The following GAS2 variants were observed in gnomAD, a reference collection of about 807,000 sequenced individuals.
The protein encoded by GAS2 is growth arrest specific 2.
Under a neutral mutation model 37.5 loss-of-function variants are expected in GAS2, and 20 were observed. The ratio of observed to expected loss-of-function variants is 0.53; its 90% CI spans 0.37 to 0.77. GAS2 has a LOEUF of 0.77. GAS2 is among the 30% of genes least tolerant of loss of function. The pLI is 0.00. For synonymous variants in GAS2, 144 were observed against 132.2 expected (o/e 1.09, Z -0.61); for missense variants, 336 against 373.4 (o/e 0.90, Z 0.82).
At chr11:22,635,908 A>T (rs7127786) in intron 1 of GAS2, among the ~76,000 whole-genome samples, 2,225 of 152,232 alleles carry the variant, frequency 0.015, 52 homozygotes, top group African/African-American at 0.051. Context: ...GGCCTGGGGC[A>T]GGTTCCCCAA....
At chr11:22,753,956 C>T (rs1853880743) in intron 6 of GAS2, among the ~76,000 whole-genome samples, 1 of 152,004 alleles carries the variant, frequency 6.6e-6, no homozygotes, top group Admixed American at 6.6e-5. Flanking sequence ...CTTTATTCAA[C>T]TTTTATATAT....
intron 7 of GAS2, among the ~76,000 whole-genome samples, chr11:22,806,372 A>T (rs1316160052): frequency 6.6e-6 from 1 of 152,178 alleles, no homozygotes; most frequent in Non-Finnish European, 1.5e-5. Flanking sequence ...GGTTGACGCC[A>T]TATCTTGGCT....
chr11:22,694,465 T>C (rs781780342), intron 3 of GAS2, among the ~76,000 whole-genome samples: 5 of 152,316 alleles, frequency 3.3e-5, no homozygotes, highest in Middle Eastern at 3.4e-3. Context: ...GCTTTCTTCA[T>C]CAACTTATTC....
chr11:22,755,923 C>T lies in GAS2; in HGVS notation c.693C>T (p.Tyr231=), dbSNP rs759624530. 1 of 1,611,912 alleles carries T rather than the reference C, an allele frequency of 6.2e-7. No individual in the cohort carries two copies. The highest frequency in any genetic ancestry group is 1.1e-5 in the South Asian group (1 of 90,962). ...FCVERLSQGR[Y]RVGEKILFIR... is the part of the protein sequence containing the mutation. ...TGGAGCGGCTCTCCCAAGGAAGATACCGAGTGGGAGAAAAGATCCTCTTCA... is the reference window on the plus strand; with the variant it reads ...TGGAGCGGCTCTCCCAAGGAAGATATCGAGTGGGAGAAAAGATCCTCTTCA... The change falls in exon 7 of 8, where the codon TAC becomes TAT. Residue 231 remains tyrosine, a synonymous_variant. Coordinates refer to ENST00000454584, the MANE Select transcript of GAS2 (RefSeq NM_001143830.3).
intron 3 of GAS2, among the ~76,000 whole-genome samples, chr11:22,726,051 G>C (rs1043477542): frequency 1.3e-5 from 2 of 152,074 alleles, no homozygotes; most frequent in Non-Finnish European, 1.5e-5. Context: ...GCCAAGAAAA[G>C]TACTTAACTA....
At chr11:22,709,726 G>A (rs1200298474) in intron 3 of GAS2, among the ~76,000 whole-genome samples, 5 of 152,082 alleles carry the variant, frequency 3.3e-5, no homozygotes, top group Admixed American at 6.6e-5. Context: ...GTTTATCGTG[G>A]CACTATTCAC....
At chr11:22,767,234 T>A (rs1033788735) in intron 7 of GAS2, among the ~76,000 whole-genome samples, 5 of 152,154 alleles carry the variant, frequency 3.3e-5, no homozygotes, top group Non-Finnish European at 5.9e-5. Context: ...AATAGAAATT[T>A]AGTAATTTTC....
chr11:22,761,872 T>G (rs2134372212), intron 7 of GAS2, among the ~76,000 whole-genome samples: 1 of 152,264 alleles, frequency 6.6e-6, no homozygotes, highest in Middle Eastern at 3.4e-3. Context: ...AAATTTACAC[T>G]TTTTACCACT....
chr11:22,629,144 G>A (rs1858710910), intron 1 of GAS2, among the ~76,000 whole-genome samples: 2 of 152,242 alleles, frequency 1.3e-5, no homozygotes, highest in Admixed American at 6.5e-5. Flanking sequence ...ACATGCAAGT[G>A]TCTTTCTGAT....
chr11:22,656,806 C>G (rs745427483), intron 1 of GAS2, among the ~76,000 whole-genome samples: 1 of 151,414 alleles, frequency 6.6e-6, no homozygotes, highest in African/African-American at 2.4e-5. Context: ...GTGTGTGTGT[C>G]GAGGAGGCGT....
At chr11:22,677,771 T>C (rs1849496459) in intron 2 of GAS2, among the ~76,000 whole-genome samples, 1 of 152,244 alleles carries the variant, frequency 6.6e-6, no homozygotes, top group East Asian at 1.9e-4. Context: ...GGTAGGAAAC[T>C]TGCCCAAAGT....
At position 22,811,872 on chromosome 11, in the gene GAS2, C is replaced by T. The variant is rs746242334; in HGVS notation, c.798C>T (p.His266=). The T allele has an allele frequency of 1.7e-5, 28 of 1,613,954 alleles. No individual in the cohort carries two copies. The highest frequency in any genetic ancestry group is 1.2e-4 in the Admixed American group (7 of 59,978). ...WETFAGYLLK[H]DPCRMLQISR... The stretch of plus-strand genomic sequence containing the variant: ...CTTTTGCAGGGTATTTGTTGAAACA[C>T]GACCCCTGCCGAATGCTGCAGATCT... Residue 266 remains histidine (H), a synonymous_variant, in exon 8 of 8, where the codon CAC becomes CAT. Coordinates refer to ENST00000454584, the MANE Select transcript of GAS2 (RefSeq NM_001143830.3).
chr11:22,799,731 T>C (rs1856577305), intron 7 of GAS2, among the ~76,000 whole-genome samples: 2 of 152,080 alleles, frequency 1.3e-5, no homozygotes, highest in African/African-American at 4.8e-5. Context: ...GCAGATATAA[T>C]TTATAAAGGT....
intron 7 of GAS2, among the ~76,000 whole-genome samples, chr11:22,774,378 A>G (rs571873445): frequency 2.6e-5 from 4 of 152,364 alleles, no homozygotes; most frequent in Admixed American, 6.5e-5. Flanking sequence ...AGCTCTCTCA[A>G]CTTACTAGGT....
In GAS2 at chr11:22,803,526, T is replaced by G. The variant is rs77033418; in HGVS notation, c.724-8272T>G. 5.9e-3 allele frequency among the ~76,000 whole-genome samples: 892 copies of G among 152,216 alleles called. 11 individuals carry two copies. Among genetic ancestry groups the G allele is most frequent in the East Asian group, 0.038 (198 of 5,172 alleles). On this transcript the variant is annotated intron_variant, in intron 7 of 7. Coordinates refer to ENST00000454584, the MANE Select transcript of GAS2 (RefSeq NM_001143830.3). ...GCACTTTGCAGAATATGTGGGTATG[T>G]TTTAATGGAATAAAGGATTCTTGTC...
intron 4 of GAS2, among the ~76,000 whole-genome samples, chr11:22,732,836 C>T (rs1852550829): frequency 6.6e-6 from 1 of 151,480 alleles, no homozygotes; most frequent in East Asian, 1.9e-4. Context: ...CTATCCTTCA[C>T]ATTTGTGGAG....
intron 1 of GAS2, among the ~76,000 whole-genome samples, chr11:22,628,112 T>C (rs1858688802): frequency 2.0e-5 from 3 of 152,220 alleles, no homozygotes; most frequent in Admixed American, 6.5e-5. Flanking sequence ...TCTATTTTCA[T>C]TAAATAAAAT....
At chr11:22,756,078 A>AT (rs1433440403) in intron 7 of GAS2, 125 bp downstream of exon 7, 2 of 643,502 alleles carry the variant, frequency 3.1e-6, no homozygotes, top group Admixed American at 3.0e-5. Flanking sequence ...CATGGTATGA[A>AT]TTTTTTTAAA....
intron 3 of GAS2, among the ~76,000 whole-genome samples, chr11:22,709,594 T>A (rs1170767640): frequency 6.6e-6 from 1 of 152,158 alleles, no homozygotes; most frequent in Non-Finnish European, 1.5e-5. Flanking sequence ...ATTGTGGAAG[T>A]CAGTGTGGCG....
Sources: gnomAD v4.1 joint callset for allele counts (sites outside exome capture counted in the v4.1 genomes callset) on GRCh38, gnomAD v4.1.1 for gene constraint, MANE v1.5 for transcripts, NCBI Gene and HGNC (gene_info 2026-07-23, HGNC 2026-07-21) for gene names.